The following FAM118B variants were observed in gnomAD, a reference collection of about 807,000 sequenced individuals.
FAM118B encodes protein FAM118B.
A neutral mutation model predicts 38.5 loss-of-function variants in FAM118B; 24 were observed. That is an observed-to-expected ratio of 0.62 (90% CI 0.45 to 0.88). The LOEUF is 0.88. Ranked by LOEUF, FAM118B falls within the 40% of genes least tolerant of loss-of-function variation. FAM118B has a pLI of 0.00. For missense variants in FAM118B, 334 were observed against 420.0 expected, an observed-to-expected ratio of 0.80 and a Z score of 1.79; for synonymous variants, 138 against 156.3, an observed-to-expected ratio of 0.88 and a Z score of 0.87.
chr11:126,237,344 CT>C (rs2135163015), intron 3 of FAM118B, among the ~76,000 whole-genome samples: 1 of 149,436 alleles, frequency 6.7e-6, no homozygotes, highest in Admixed American at 6.7e-5. Flanking sequence ...CCTCAGCCTC[CT>C]GAGTAGCTGG....
intron 1 of FAM118B, among the ~76,000 whole-genome samples, chr11:126,224,640 A>G (rs1346984023): frequency 2.6e-5 from 4 of 152,136 alleles, no homozygotes; most frequent in South Asian, 2.1e-4. Flanking sequence ...AGAAGGTACA[A>G]TCTGAATAAA....
chr11:126,246,988 A>C (rs1324779633), intron 4 of FAM118B, among the ~76,000 whole-genome samples: 3 of 152,198 alleles, frequency 2.0e-5, no homozygotes, highest in Admixed American at 2.0e-4. Context: ...GGGACCCCCT[A>C]TCTCTACACA....
chr11:126,216,013 A>G (rs1949973819), intron 1 of FAM118B, among the ~76,000 whole-genome samples: 2 of 151,906 alleles, frequency 1.3e-5, no homozygotes. Flanking sequence ...GACCCATCTC[A>G]AAAAAGAAAA....
At position 126,240,944 on chromosome 11, in the gene FAM118B, A is replaced by G. The variant is rs1457847468; in HGVS notation, c.239A>G (p.Asp80Gly). Residue 80 changes from aspartate to glycine, a missense_variant, in exon 4 of 9, where the codon GAT becomes GGT. By Grantham distance (94) the Asp-to-Gly change is moderately conservative. Around this residue, in one of 3 missense-constraint regions of FAM118B, gnomAD observed 240 missense variants for 295.9 expected, o/e 0.81. Transcript: ENST00000533050. ...QALLDAAIDF[D>G]LLEDEESKKF... ...TTACTGGATGCTGCCATTGATTTTG[A>G]TCTTTTAGAAGATGAGGAGAGCAAA... 1.2e-6 allele frequency: 2 copies of G among 1,614,014 alleles called. No homozygotes were observed. The highest frequency in any genetic ancestry group is 1.7e-6 in the Non-Finnish European group (2 of 1,180,038).
intron 1 of FAM118B, among the ~76,000 whole-genome samples, chr11:126,219,832 C>G (rs1213047100): frequency 7.0e-6 from 1 of 143,572 alleles, no homozygotes; most frequent in Non-Finnish European, 1.5e-5. Context: ...AAAACATGCA[C>G]TACTGTACTT....
intron 2 of FAM118B, among the ~76,000 whole-genome samples, chr11:126,232,016 C>T (rs1258589467): frequency 1.3e-5 from 2 of 152,166 alleles, no homozygotes; most frequent in Non-Finnish European, 2.9e-5. Context: ...TTCTAGAATG[C>T]AGGCACTTCC....
intron 3 of FAM118B, 124 bp from the exon 4 acceptor site, chr11:126,240,668 C>A: frequency 2.1e-6 from 2 of 969,412 alleles, no homozygotes; most frequent in Non-Finnish European, 3.0e-6. Context: ...GTGTCAAAAA[C>A]TGCTGTTCAT....
At chr11:126,217,153 A>G (rs1949990277) in intron 1 of FAM118B, among the ~76,000 whole-genome samples, 1 of 152,268 alleles carries the variant, frequency 6.6e-6, no homozygotes, top group Non-Finnish European at 1.5e-5. Context: ...AGCCTCAGCC[A>G]GGAATCACTT....
rs1236915515 is a variant in FAM118B, at chr11:126,232,431, C to T, written c.-7-2564C>T. On this transcript the variant is annotated intron_variant, in intron 2 of 8. Coordinates refer to ENST00000533050, the MANE Select transcript of FAM118B (RefSeq NM_024556.4). ...AATGAGTTAATGTTTATAAATAGTC[C>T]ATGGCATGTAGTTAAGAGCTTGTAA... Among the ~76,000 whole-genome samples, 4 of 152,144 alleles carry T rather than the reference C, an allele frequency of 2.6e-5. No individual in the cohort carries two copies. The East Asian group carries it at 7.7e-4, about 29-fold the overall frequency.
rs146087560 is a variant in FAM118B at position 126,246,638 on chromosome 11, C to T, written c.340-3868C>T. Among the ~76,000 whole-genome samples the T allele has an allele frequency of 4.6e-5, 7 of 152,116 alleles. No homozygotes were observed. In the East Asian group the frequency reaches 1.4e-3, roughly 29 times the overall value. ...CTTTTTTTAAATAGAAATGGGGTCT[C>T]CCTGTGTTGCCCAGGCTGGTGTTGA... On this transcript the variant is annotated intron_variant, in intron 4 of 8. Coordinates refer to ENST00000533050, the MANE Select transcript of FAM118B (RefSeq NM_024556.4).
chr11:126,259,672 G>A (rs1336684158), intron 7 of FAM118B, among the ~76,000 whole-genome samples: 6 of 147,154 alleles, frequency 4.1e-5, no homozygotes, highest in East Asian at 2.1e-4. Context: ...TGATCCACCC[G>A]CCCTGGCCTC....
chr11:126,223,584 A>G (rs1006549124), intron 1 of FAM118B, among the ~76,000 whole-genome samples: 1 of 94,670 alleles, frequency 1.1e-5, no homozygotes, highest in Non-Finnish European at 2.0e-5. Context: ...CGAAAGAGCG[A>G]AAAAAAAAAA....
chr11:126,239,455 A>G (rs1428108382), intron 3 of FAM118B, among the ~76,000 whole-genome samples: 1 of 152,220 alleles, frequency 6.6e-6, no homozygotes, highest in Admixed American at 6.5e-5. Context: ...GGATTTGTGT[A>G]TGCTTCACTA....
intron 1 of FAM118B, among the ~76,000 whole-genome samples, chr11:126,213,766 A>C (rs1949926679): frequency 6.6e-6 from 1 of 152,164 alleles, no homozygotes; most frequent in Admixed American, 6.5e-5. Context: ...TGAAGAACCA[A>C]CTCAAATGTC....
intron 7 of FAM118B, among the ~76,000 whole-genome samples, chr11:126,258,822 T>C (rs1352948911): frequency 6.6e-6 from 1 of 152,254 alleles, no homozygotes; most frequent in Non-Finnish European, 1.5e-5. Context: ...CTGTTTCTGT[T>C]GCACTAAATC....
rs575065140 is a variant in FAM118B at position 126,227,058 on chromosome 11, C to CTTT, written c.-76-2147_-76-2145dup. 8.4e-3 allele frequency among the ~76,000 whole-genome samples: 812 copies of CTTT among 97,100 alleles called. 1 individual carries two copies. Among genetic ancestry groups the CTTT allele is most frequent in the Non-Finnish European group, 9.3e-3 (463 of 49,700 alleles). The allele number at this position is 97,100 out of a possible 152,430, so 63.7% of individuals were successfully genotyped here. A position where few individuals can be genotyped will look rare whatever the true frequency, so the allele number is the denominator to read the frequency against. ...GAATGCTCTCAAACAATACAAGCTT[C>CTTT]TTTTTTTTTTTTTTTTTTTTTTGAG... On this transcript the variant is annotated intron_variant, in intron 1 of 8. Coordinates refer to ENST00000533050, the MANE Select transcript of FAM118B (RefSeq NM_024556.4).
rs540941191 is a variant in FAM118B at position 126,262,274 on chromosome 11, G to T, written c.*141G>T. 1.2e-6 allele frequency: 1 copy of T among 840,190 alleles called. No homozygotes were observed. The highest frequency in any genetic ancestry group is 2.0e-6 in the Non-Finnish European group (1 of 510,570). 52.0% of individuals were successfully genotyped at this position (840,190 alleles called of 1,614,324 possible). A position where few individuals can be genotyped will look rare whatever the true frequency, so the allele number is the denominator to read the frequency against. On this transcript the variant is annotated 3_prime_UTR_variant, in exon 9 of 9. Coordinates refer to ENST00000533050, the MANE Select transcript of FAM118B (RefSeq NM_024556.4). ...GAGGTTGAAGGGCGGGGTAGAAGAG[G>T]GGGGAATGTTGCAGCGTAATCCTTC...
At chr11:126,220,525 T>G (rs956573877) in intron 1 of FAM118B, among the ~76,000 whole-genome samples, 1 of 151,836 alleles carries the variant, frequency 6.6e-6, no homozygotes, top group Non-Finnish European at 1.5e-5. Context: ...ATCAGCCTGG[T>G]CAACATAGCA....
chr11:126,256,487 A>G lies in FAM118B; in HGVS notation c.697-80A>G. The G allele has an allele frequency of 1.5e-6, 2 of 1,372,026 alleles. No homozygotes were observed. Among genetic ancestry groups the G allele is most frequent in the Non-Finnish European group, 1.0e-6 (1 of 992,712 alleles). The allele number at this position is 1,372,026 out of a possible 1,614,324, so 85.0% of individuals were successfully genotyped here. On this transcript the variant is annotated intron_variant, in intron 6 of 8. Transcript: ENST00000533050. This position sits in a 1 kb window ranked among gnomAD's most constrained non-coding sequence, Gnocchi z 6.6. ...CTTAATTGGTCATCACAGTCTGCTC[A>G]ACGTAGCATGACCTTCTTGTTTCAG...
Sources: allele counts gnomAD v4.1 joint callset (sites outside exome capture counted in the v4.1 genomes callset), GRCh38; gene constraint gnomAD v4.1.1; regional missense constraint gnomAD v4.1.1; non-coding constraint Gnocchi (gnomAD v3.1); transcripts MANE v1.5; gene names NCBI Gene and HGNC (gene_info 2026-07-23, HGNC 2026-07-21).